LRP2: variants seen among roughly 807,000 people sequenced by gnomAD.
LRP2 encodes low-density lipoprotein receptor-related protein 2.
Under a neutral mutation model 531.0 loss-of-function variants are expected in LRP2, and 172 were observed. That is an observed-to-expected ratio of 0.32 (90% CI 0.29 to 0.37). The LOEUF (loss-of-function observed/expected upper bound fraction) is 0.37, where lower values mean the gene tolerates loss of function less well. Ranked by LOEUF, LRP2 falls within the 10% of genes least tolerant of loss-of-function variation. The probability of loss-of-function intolerance (pLI) is 1.00; values close to 1 mark genes in which losing one functional copy is unlikely to be tolerated. For missense variants in LRP2, 5,167 were observed against 5,868.3 expected, an observed-to-expected ratio of 0.88 and a Z score of 3.90; for synonymous variants, 1,992 against 2,027.6, an observed-to-expected ratio of 0.98 and a Z score of 0.47.
At chr2:169,162,350 G>T in intron 63 of LRP2, 122 bp downstream of exon 63, 2 of 1,146,402 alleles carry the variant, frequency 1.7e-6, no homozygotes, top group Non-Finnish European at 2.6e-6. Flanking sequence ...GGCTTGACTG[G>T]AATTCAAGCA....
intron 69 of LRP2, among the ~76,000 whole-genome samples, chr2:169,146,427 A>T (rs1685914488): frequency 6.6e-6 from 1 of 152,240 alleles, no homozygotes; most frequent in Admixed American, 6.5e-5. Flanking sequence ...TTAGACATGA[A>T]TTAACATTGG....
chr2:169,294,251 G>A lies in LRP2; in HGVS notation c.549C>T (p.Cys183=). ...TGCCACATGAAAACTCATTGTGCAA[G>A]CATATCTCAGCTGCAACAGAAAGTT... is the stretch of plus-strand genomic sequence containing the variant. ...SSDEINCTEI[C]LHNEFSCGNG... The change falls in exon 6 of 79, where the codon TGC becomes TGT. Residue 183 remains cysteine, a synonymous_variant. Transcript: ENST00000649046. The A allele has an allele frequency of 1.3e-6, 2 of 1,589,088 alleles. No individual in the cohort carries two copies. Among genetic ancestry groups the A allele is most frequent in the African/African-American group, 1.3e-5 (1 of 74,498 alleles).
intron 76 of LRP2, among the ~76,000 whole-genome samples, chr2:169,133,558 T>A (rs1282032460): frequency 6.7e-6 from 1 of 150,100 alleles, no homozygotes; most frequent in Non-Finnish European, 1.5e-5. Context: ...TTCTAGTTTC[T>A]GTATTAAAAT....
Position 169,290,719 on chromosome 2 carries a change from T to G in LRP2, c.922+126A>C, listed in dbSNP as rs968590632. 54 of 1,010,646 alleles carry G rather than the reference T, an allele frequency of 5.3e-5. 1 individual carries two copies. The South Asian group carries it at 6.8e-4, about 13-fold the overall frequency. The allele number at this position is 1,010,646 out of a possible 1,614,324, so 62.6% of individuals were successfully genotyped here. Reference sequence around the variant, plus strand: ...TGAGAAATAAGACACGTTTCTCAGTTTATGCCACTAAGTCTTGGGGTGCTT... The same window carrying G: ...TGAGAAATAAGACACGTTTCTCAGTGTATGCCACTAAGTCTTGGGGTGCTT... On this transcript the variant is annotated intron_variant, in intron 8 of 78. Coordinates refer to ENST00000649046, the MANE Select transcript of LRP2 (RefSeq NM_004525.3).
chr2:169,185,649 A>C lies in LRP2; in HGVS notation c.9699T>G (p.Asp3233Glu). ...LEGLDNVVAL[D>E]FDRVEKRLYW... The stretch of plus-strand genomic sequence containing the variant: ...ACAATCTCTTCTCTACTCGGTCAAA[A>C]TCTAATGCCACAACATTGTCCAGTC... The change falls in exon 50 of 79, where the codon GAT (aspartate) becomes GAG (glutamate). Residue 3233 changes from aspartate to glutamate, a missense_variant. Coordinates refer to ENST00000649046, the MANE Select transcript of LRP2 (RefSeq NM_004525.3). The C allele has an allele frequency of 6.2e-7, 1 of 1,614,184 alleles. No homozygotes were observed. The highest frequency in any genetic ancestry group is 8.5e-7 in the Non-Finnish European group (1 of 1,180,014).
chr2:169,187,854 G>T, intron 49 of LRP2, 116 bp downstream of exon 49: 1 of 1,144,190 alleles, frequency 8.7e-7, no homozygotes, highest in Non-Finnish European at 1.3e-6. Context: ...CAGGAATAGT[G>T]ATTTTATGGT....
chr2:169,273,842 G>C (rs1016280592), intron 14 of LRP2, among the ~76,000 whole-genome samples: 2 of 152,196 alleles, frequency 1.3e-5, no homozygotes, highest in Non-Finnish European at 2.9e-5. Context: ...ATAGTAATTT[G>C]AGTGATCACA....
intron 1 of LRP2, among the ~76,000 whole-genome samples, chr2:169,342,539 C>A (rs1685590499): frequency 6.6e-6 from 1 of 152,146 alleles, no homozygotes; most frequent in Non-Finnish European, 1.5e-5. Context: ...GCTTACATTT[C>A]TTCAAAGGCA....
At position 169,292,645 on chromosome 2, in the gene LRP2, T is replaced by G. The variant is rs1233191891; in HGVS notation, c.653-276A>C. On this transcript the variant is annotated intron_variant, in intron 6 of 78. Coordinates refer to ENST00000649046, the MANE Select transcript of LRP2 (RefSeq NM_004525.3). The stretch of plus-strand genomic sequence containing the variant: ...TCAGCCTGGGCAACATGGTGAGACC[T>G]CATCTCTACCAAAAATACGAAAAAT... Among the ~76,000 whole-genome samples the G allele has an allele frequency of 2.6e-5, 4 of 151,758 alleles. No individual in the cohort carries two copies. The East Asian group carries it at 7.7e-4, about 29-fold the overall frequency.
chr2:169,285,914 A>C lies in LRP2; in HGVS notation c.1043-2913T>G, dbSNP rs147548661. 1.3e-3 allele frequency among the ~76,000 whole-genome samples: 200 copies of C among 152,282 alleles called. 1 individual carries two copies. Among genetic ancestry groups the C allele is most frequent in the African/African-American group, 4.6e-3 (193 of 41,554 alleles). On this transcript the variant is annotated intron_variant, in intron 9 of 78. Coordinates refer to ENST00000649046, the MANE Select transcript of LRP2 (RefSeq NM_004525.3). ...CTGGGGAGCCATGTCTAAGATAATA[A>C]ATGTTGCATAGGTTTCCAACACCTG...
At chr2:169,361,822 C>T (rs921932118) in intron 1 of LRP2, among the ~76,000 whole-genome samples, 5 of 152,186 alleles carry the variant, frequency 3.3e-5, no homozygotes, top group African/African-American at 1.2e-4. Context: ...TGGGGGTCAC[C>T]GCGGGACCAA....
chr2:169,171,838 T>C (rs1687015210), intron 58 of LRP2, among the ~76,000 whole-genome samples, 177 bp downstream of exon 58: 1 of 152,216 alleles, frequency 6.6e-6, no homozygotes, highest in Non-Finnish European at 1.5e-5. Context: ...AGGAGATGCT[T>C]ATGTCTTTAG....
rs896811550 is a variant in LRP2, at chr2:169,289,033, G to T, written c.1035C>A (p.Thr345=). The change falls in exon 9 of 79, where the codon ACC becomes ACA. Residue 345 remains threonine (T), a synonymous_variant. Transcript: ENST00000649046. ...CCGCCCCCCATCACTTACCAACACA[G>T]GTACGGCTGTCATTGTGGTTGATGA... ...GYIINHNDSR[T]CVEFDDCQIW... The T allele has an allele frequency of 1.9e-6, 3 of 1,614,036 alleles. No individual in the cohort carries two copies. In the East Asian group the frequency reaches 6.7e-5, roughly 36 times the overall value.
At position 169,294,159 on chromosome 2, in the gene LRP2, T is replaced by C; in HGVS notation, c.641A>G (p.Glu214Gly). ...AGAAATCACCGTACTGCAAGCATGT[T>C]CGTCACTGCCGTCTTGGCAATCATT... Reference protein sequence around the residue: ...HDNDCQDGSDEHACNYPTCGG... With the variant: ...HDNDCQDGSDGHACNYPTCGG... Residue 214 changes from glutamate (E) to glycine (G), a missense_variant, in exon 6 of 79, where the codon GAA becomes GGA. By Grantham distance (98) the Glu-to-Gly change is moderately conservative. Coordinates refer to ENST00000649046, the MANE Select transcript of LRP2 (RefSeq NM_004525.3). 1 of 1,608,886 alleles carries C rather than the reference T, an allele frequency of 6.2e-7. No individual in the cohort carries two copies. Among genetic ancestry groups the C allele is most frequent in the Non-Finnish European group, 8.5e-7 (1 of 1,175,348 alleles).
chr2:169,128,811 T>A lies in LRP2; in HGVS notation c.13820A>T (p.Glu4607Val), dbSNP rs202155452. ...TGGAGGTGGTGTCGCAGCAACACTT[T>A]CCTTTTGCTCGTTCTCCATCTAAGA... ...IYAQMENEQK[E>V]SVAATPPPSP... The change falls in exon 79 of 79, where the codon GAA (glutamate) becomes GTA (valine). Residue 4607 changes from glutamate to valine, a missense_variant. By Grantham distance (121) the Glu-to-Val change is moderately radical. This residue lies in a region of LRP2 where 348 missense variants were observed against 369.3 expected (regional missense o/e 0.94). Transcript: ENST00000649046. 3 of 1,614,106 alleles carry A rather than the reference T, an allele frequency of 1.9e-6. No individual in the cohort carries two copies. The highest frequency in any genetic ancestry group is 1.3e-5 in the African/African-American group (1 of 75,046).
intron 13 of LRP2, 83 bp downstream of exon 13, chr2:169,277,662 G>T: frequency 8.2e-7 from 1 of 1,216,298 alleles, no homozygotes; most frequent in East Asian, 2.4e-5. Flanking sequence ...TTTTAATTCT[G>T]GTCCTTTGAT....
At chr2:169,160,411 T>C (rs1253298089) in intron 63 of LRP2, among the ~76,000 whole-genome samples, 1 of 151,674 alleles carries the variant, frequency 6.6e-6, no homozygotes, top group Non-Finnish European at 1.5e-5. Context: ...AATCGAACAA[T>C]GTGTCTTAAA....
chr2:169,205,749 G>T, intron 40 of LRP2, 112 bp from the exon 41 acceptor site: 1 of 1,116,530 alleles, frequency 9.0e-7, no homozygotes, highest in Non-Finnish European at 1.3e-6. Flanking sequence ...CATGGCAAAA[G>T]AAACTTCATT....
At chr2:169,194,966 C>T (rs1687957537) in intron 46 of LRP2, among the ~76,000 whole-genome samples, 1 of 152,096 alleles carries the variant, frequency 6.6e-6, no homozygotes, top group South Asian at 2.1e-4. Flanking sequence ...GCCTTGGCCT[C>T]CCAAAGCGCT....
Sources: gnomAD v4.1 joint callset for allele counts (sites outside exome capture counted in the v4.1 genomes callset) on GRCh38, gnomAD v4.1.1 for gene constraint, gnomAD v4.1.1 regional missense constraint, MANE v1.5 for transcripts, NCBI Gene and HGNC (gene_info 2026-07-23, HGNC 2026-07-21) for gene names.